Variants in HSD11B1L observed in about 807,000 individuals in gnomAD.
The protein encoded by HSD11B1L is hydroxysteroid 11-beta-dehydrogenase 1-like protein.
A neutral mutation model predicts 27.0 loss-of-function variants in HSD11B1L; 22 were observed. That is an observed-to-expected ratio of 0.81 (90% CI 0.58 to 1.16). HSD11B1L has a LOEUF of 1.16. HSD11B1L is among the 50% of genes most tolerant of loss of function. The pLI is 0.00. For synonymous variants in HSD11B1L, 187 were observed against 189.2 expected (o/e 0.99, Z 0.09); for missense variants, 372 against 401.8 (o/e 0.93, Z 0.63).
rs201073054 is a variant in HSD11B1L, at chr19:5,687,310, C to T, written c.437C>T (p.Thr146Met). ...QVNFVSYVQL[T>M]SRALPSLTDS... ...AACTTTGTGAGCTACGTGCAACTGA[C>T]GTCGCGGGCGCTGCCCAGCCTGACG... Residue 146 changes from threonine (T) to methionine (M), a missense_variant, in exon 6 of 8, where the codon ACG (threonine) becomes ATG (methionine). Thr to Met is a moderately conservative substitution (Grantham distance 81). Coordinates refer to ENST00000339423, the MANE Select transcript of HSD11B1L (RefSeq NM_198706.3). The surrounding 1 kb of genome is among the most constrained non-coding windows in gnomAD (Gnocchi z 6.6). 5 of 1,612,732 alleles carry T rather than the reference C, an allele frequency of 3.1e-6. No individual in the cohort carries two copies. The highest frequency in any genetic ancestry group is 1.1e-5 in the South Asian group (1 of 91,066).
rs1382608936 is a variant in HSD11B1L, at chr19:5,687,149, C to T, written c.409-133C>T. The T allele has an allele frequency of 2.1e-5, 25 of 1,184,576 alleles. No individual in the cohort carries two copies. Among genetic ancestry groups the T allele is most frequent in the Non-Finnish European group, 2.9e-5 (24 of 841,208 alleles). 73.4% of individuals were successfully genotyped at this position (1,184,576 alleles called of 1,614,324 possible). ...GCCCAAGCCCCTGCTCCGGCCTTGA[C>T]CCCGCCCTCGGACCCGCCTTCCGGG... On this transcript the variant is annotated intron_variant, in intron 5 of 7. Coordinates refer to ENST00000339423, the MANE Select transcript of HSD11B1L (RefSeq NM_198706.3). The surrounding 1 kb of genome is among the most constrained non-coding windows in gnomAD (Gnocchi z 6.6).
chr19:5,685,641 G>A lies in HSD11B1L; in HGVS notation c.204+522G>A, dbSNP rs1195414854. The A allele has an allele frequency of 5.9e-6, 1 of 168,940 alleles. No individual in the cohort carries two copies. Among genetic ancestry groups the A allele is most frequent in the Non-Finnish European group, 1.3e-5 (1 of 76,884 alleles). 10.5% of individuals were successfully genotyped at this position (168,940 alleles called of 1,614,324 possible). ...TAATCCCAGCTACTGGGGAGGCTGA[G>A]GCGGGAGAATTGCTGGAACCCGGGA... On this transcript the variant is annotated intron_variant, in intron 3 of 7. Transcript: ENST00000339423. The surrounding 1 kb of genome is among the most constrained non-coding windows in gnomAD (Gnocchi z 4.3).
At position 5,685,165 on chromosome 19, in the gene HSD11B1L, G is replaced by A. The variant is rs1276628709; in HGVS notation, c.204+46G>A. ...ATGAATGGTGGGGGTGCTCATGGGG[G>A]GTGGGAAGAGAGCCTGGGTTTAATC... On this transcript the variant is annotated intron_variant, in intron 3 of 7. Coordinates refer to ENST00000339423, the MANE Select transcript of HSD11B1L (RefSeq NM_198706.3). The surrounding 1 kb of genome is among the most constrained non-coding windows in gnomAD (Gnocchi z 4.3). 6.5e-7 allele frequency: 1 copy of A among 1,536,352 alleles called. No individual in the cohort carries two copies. The highest frequency in any genetic ancestry group is 8.7e-7 in the Non-Finnish European group (1 of 1,145,466).
rs2054716538 is a variant in HSD11B1L at position 5,687,102 on chromosome 19, C to T, written c.408+111C>T. 9.5e-6 allele frequency: 11 copies of T among 1,158,272 alleles called. No homozygotes were observed. The highest frequency in any genetic ancestry group is 1.3e-5 in the Non-Finnish European group (11 of 818,744). The allele number at this position is 1,158,272 out of a possible 1,614,324, so 71.7% of individuals were successfully genotyped here. On this transcript the variant is annotated intron_variant, in intron 5 of 7. Coordinates refer to ENST00000339423, the MANE Select transcript of HSD11B1L (RefSeq NM_198706.3). This position sits in a 1 kb window ranked among gnomAD's most constrained non-coding sequence, Gnocchi z 6.6. ...TCCAGGGAGGGCTCTCCACCCGTCC[C>T]GCCCCAGCCACGCCCCTCCTAGCCC...
chr19:5,686,885 G>T lies in HSD11B1L; in HGVS notation c.317-15G>T, dbSNP rs1463306152. ...GGGGAGGGGCCTCCGGGGCTGACCG[G>T]CGTTTCTGGGCCAGGCGGGCTGGAC... On this transcript the variant is annotated splice_polypyrimidine_tract_variant and intron_variant, in intron 4 of 7. Coordinates refer to ENST00000339423, the MANE Select transcript of HSD11B1L (RefSeq NM_198706.3). 2.6e-6 allele frequency: 4 copies of T among 1,537,092 alleles called. No homozygotes were observed. Among genetic ancestry groups the T allele is most frequent in the Non-Finnish European group, 3.5e-6 (4 of 1,140,150 alleles).
Position 5,685,123 on chromosome 19 carries a change from A to T in HSD11B1L, c.204+4A>T. 6.5e-7 allele frequency: 1 copy of T among 1,545,882 alleles called. No homozygotes were observed. Among genetic ancestry groups the T allele is most frequent in the Non-Finnish European group, 8.7e-7 (1 of 1,146,988 alleles). On this transcript the variant is annotated splice_donor_region_variant and intron_variant, in intron 3 of 7. Transcript: ENST00000339423. The surrounding 1 kb of genome is among the most constrained non-coding windows in gnomAD (Gnocchi z 4.3). Reference sequence around the variant, plus strand: ...CACTGAGGCTCTCCTGCAGAAGGTGAGCCACCCCATGTCTAGATGAATGGT... The same window carrying T: ...CACTGAGGCTCTCCTGCAGAAGGTGTGCCACCCCATGTCTAGATGAATGGT...
In HSD11B1L at chr19:5,686,410, C is replaced by G. The variant is rs1057270616; in HGVS notation, c.205-6C>G. 1 of 1,556,782 alleles carries G rather than the reference C, an allele frequency of 6.4e-7. No individual in the cohort carries two copies. Among genetic ancestry groups the G allele is most frequent in the Non-Finnish European group, 8.7e-7 (1 of 1,149,722 alleles). ...GAGGCCCACGGGCAGCTCTGGCCCCCCCCAGGTGGTAGGGAACTGCCGGAA... is the reference window on the plus strand; with the variant it reads ...GAGGCCCACGGGCAGCTCTGGCCCCGCCCAGGTGGTAGGGAACTGCCGGAA... On this transcript the variant is annotated splice_polypyrimidine_tract_variant and splice_region_variant and intron_variant, in intron 3 of 7. Transcript: ENST00000339423.
rs908931320 is a variant in HSD11B1L at position 5,686,809 on chromosome 19, C to T, written c.317-91C>T. 2.0e-5 allele frequency: 22 copies of T among 1,121,906 alleles called. No individual in the cohort carries two copies. The South Asian group carries it at 2.0e-4, about 10-fold the overall frequency. 69.5% of individuals were successfully genotyped at this position (1,121,906 alleles called of 1,614,324 possible). ...GTTACCTGGGGCGGAGCTCGCTGGA[C>T]CAGCGCTCTGGGTGGAGCTAAGCTC... On this transcript the variant is annotated intron_variant, in intron 4 of 7. Transcript: ENST00000339423.
rs1364443476 is a variant in HSD11B1L, at chr19:5,686,887, G to C, written c.317-13G>C. On this transcript the variant is annotated splice_polypyrimidine_tract_variant and intron_variant, in intron 4 of 7. Coordinates refer to ENST00000339423, the MANE Select transcript of HSD11B1L (RefSeq NM_198706.3). ...GGAGGGGCCTCCGGGGCTGACCGGC[G>C]TTTCTGGGCCAGGCGGGCTGGACTA... The C allele has an allele frequency of 2.6e-6, 4 of 1,538,304 alleles. No homozygotes were observed. Among genetic ancestry groups the C allele is most frequent in the Admixed American group, 2.0e-5 (1 of 48,930 alleles).
chr19:5,681,148 A>G lies in HSD11B1L; in HGVS notation c.-138A>G, dbSNP rs1024836553. On this transcript the variant is annotated 5_prime_UTR_variant, in exon 1 of 8. Transcript: ENST00000339423. ...AGTCACGTGACCCGTGCCCTACGGG[A>G]GGGGGTGCGGTCGGGGACCCGGCAG... 6.6e-6 allele frequency: 1 copy of G among 152,120 alleles called. No homozygotes were observed. Among genetic ancestry groups the G allele is most frequent in the African/African-American group, 2.4e-5 (1 of 41,326 alleles). The allele number at this position is 152,120 out of a possible 1,614,324, so 9.4% of individuals were successfully genotyped here. A position where few individuals can be genotyped will look rare whatever the true frequency, so the allele number is the denominator to read the frequency against.
Position 5,687,603 on chromosome 19 carries a change from G to A in HSD11B1L, c.603G>A (p.Val201=). The change falls in exon 7 of 8, where the codon GTG becomes GTA. Residue 201 remains valine (V), a synonymous_variant. Coordinates refer to ENST00000339423, the MANE Select transcript of HSD11B1L (RefSeq NM_198706.3). The surrounding 1 kb of genome is among the most constrained non-coding windows in gnomAD (Gnocchi z 6.6). ...SLRRELDVQD[V]NVAITMCVLG... ...GGCGGGAGCTGGACGTGCAGGACGT[G>A]AACGTGGCCATCACCATGTGCGTCC... 6.3e-7 allele frequency: 1 copy of A among 1,598,622 alleles called. No homozygotes were observed. Among genetic ancestry groups the A allele is most frequent in the Non-Finnish European group, 8.5e-7 (1 of 1,178,616 alleles).
At chr19:5,686,145 G>A (rs553107334) in intron 3 of HSD11B1L, among the ~76,000 whole-genome samples, 1 of 152,274 alleles carries the variant, frequency 6.6e-6, no homozygotes, top group South Asian at 2.1e-4. Flanking sequence ...TATTTCAAGA[G>A]AAGCTAGCAA....
In HSD11B1L at chr19:5,681,960, G is replaced by A. The variant is rs559872620; in HGVS notation, c.-15+689G>A. On this transcript the variant is annotated intron_variant, in intron 1 of 7. Coordinates refer to ENST00000339423, the MANE Select transcript of HSD11B1L (RefSeq NM_198706.3). ...GTGTAGAGCTGGGGGTGGAAAGAGG[G>A]ATGAGCAGAGGAGCTTCATGGGCTG... Among the ~76,000 whole-genome samples, 9 of 150,516 alleles carry A rather than the reference G, an allele frequency of 6.0e-5. No homozygotes were observed. The South Asian group carries it at 1.7e-3, about 28-fold the overall frequency.
intron 1 of HSD11B1L, among the ~76,000 whole-genome samples, chr19:5,683,208 CAAAAAAAAAAA>C (rs1168433209): frequency 2.0e-5 from 1 of 51,100 alleles, no homozygotes; most frequent in Non-Finnish European, 4.3e-5. Context: ...AACTCAGTCT[CAAAAAAAAAAA>C]AAAAAAAAAA....
At chr19:5,681,859 CCATT>C (rs1200310887) in intron 1 of HSD11B1L, among the ~76,000 whole-genome samples, 1 of 152,210 alleles carries the variant, frequency 6.6e-6, no homozygotes, top group Non-Finnish European at 1.5e-5. Flanking sequence ...GTCCATCTAT[CCATT>C]CATCCATCCA....
rs1470229815 is a variant in HSD11B1L at position 5,688,130 on chromosome 19, C to A, written c.*185C>A. 1.3e-6 allele frequency: 2 copies of A among 1,551,238 alleles called. No homozygotes were observed. The highest frequency in any genetic ancestry group is 2.4e-5 in the South Asian group (2 of 84,058). ...GGAACCAGTCACGGCTTGGGAGGTG[C>A]AGGTGCCCCGTGTTAGGCGCCTTTG... On this transcript the variant is annotated 3_prime_UTR_variant, in exon 8 of 8. Coordinates refer to ENST00000339423, the MANE Select transcript of HSD11B1L (RefSeq NM_198706.3).
Position 5,688,447 on chromosome 19 carries a change from G to A in HSD11B1L, c.*502G>A. The A allele has an allele frequency of 1.9e-6, 1 of 524,526 alleles. No homozygotes were observed. The highest frequency in any genetic ancestry group is 3.4e-6 in the Non-Finnish European group (1 of 295,844). The allele number at this position is 524,526 out of a possible 1,614,324, so 32.5% of individuals were successfully genotyped here. A position where few individuals can be genotyped will look rare whatever the true frequency, so the allele number is the denominator to read the frequency against. ...TCTACCTGGTGGCAGGGTCTGAGCG[G>A]GAGGAGGAGGGAAAGAGTGTGTTCT... On this transcript the variant is annotated 3_prime_UTR_variant, in exon 8 of 8. Transcript: ENST00000339423.
chr19:5,682,095 G>A (rs2054568763), intron 1 of HSD11B1L, among the ~76,000 whole-genome samples: 1 of 152,234 alleles, frequency 6.6e-6, no homozygotes, highest in African/African-American at 2.4e-5. Flanking sequence ...TCATAGATGG[G>A]GCCGTGGGAG....
intron 4 of HSD11B1L, 124 bp from the exon 5 acceptor site, chr19:5,686,776 T>G: frequency 1.3e-6 from 1 of 794,660 alleles, no homozygotes; most frequent in Non-Finnish European, 2.0e-6. Context: ...TCTTTGATCG[T>G]AGTGGGAGTT....
Sources: gnomAD v4.1 joint callset for allele counts (sites outside exome capture counted in the v4.1 genomes callset) on GRCh38, gnomAD v4.1.1 for gene constraint, Gnocchi (gnomAD v3.1) non-coding constraint, MANE v1.5 for transcripts, NCBI Gene and HGNC (gene_info 2026-07-23, HGNC 2026-07-21) for gene names.